CELF2: variants seen among roughly 807,000 people sequenced by gnomAD.
The protein encoded by CELF2 is CUG triplet repeat RNA-binding protein 2.
CELF2 carries 8 observed loss-of-function variants against 62.6 expected under a neutral mutation model. The ratio of observed to expected loss-of-function variants is 0.13; its 90% CI spans 0.07 to 0.23. CELF2 has a LOEUF of 0.23. Ranked by LOEUF, CELF2 falls within the 10% of genes least tolerant of loss-of-function variation. The probability of loss-of-function intolerance (pLI) is 1.00; values close to 1 mark genes in which losing one functional copy is unlikely to be tolerated. For synonymous variants in CELF2, 258 were observed against 250.0 expected, an observed-to-expected ratio of 1.03 and a Z score of -0.30; for missense variants, 333 against 671.0, an observed-to-expected ratio of 0.50 and a Z score of 5.56.
the CELF2 span, among the ~76,000 whole-genome samples, chr10:10,702,108 A>G: frequency 6.6e-6 from 1 of 152,174 alleles, no homozygotes; most frequent in Non-Finnish European, 1.5e-5. Flanking sequence ...AATTAGTTTT[A>G]GCTTAAGCTG....
chr10:10,840,029 C>G (rs1436532063), intron 1 of CELF2, among the ~76,000 whole-genome samples: 5 of 152,218 alleles, frequency 3.3e-5, no homozygotes, highest in African/African-American at 4.8e-5. Flanking sequence ...ATTTGCATGG[C>G]TTGATAGTTC....
the CELF2 span, among the ~76,000 whole-genome samples, chr10:10,491,445 G>C: frequency 6.6e-6 from 1 of 152,144 alleles, no homozygotes. Context: ...TCTTCAGGAA[G>C]ATAATCTTCA....
chr10:10,768,248 T>TA, the CELF2 span, among the ~76,000 whole-genome samples: 375 of 151,870 alleles, frequency 2.5e-3, 2 homozygotes, highest in African/African-American at 8.5e-3. Flanking sequence ...GTAACTCACC[T>TA]ACCTTTCTGA....
In CELF2 at chr10:11,206,144, G is replaced by C. The variant is rs148575383; in HGVS notation, c.272-11281G>C. Among the ~76,000 whole-genome samples, 462 of 152,328 alleles carry C rather than the reference G, an allele frequency of 3.0e-3. 3 individuals are homozygous for C. Among genetic ancestry groups the C allele is most frequent in the Middle Eastern group, 0.01 (3 of 294 alleles). On this transcript the variant is annotated intron_variant, in intron 2 of 12. Transcript: ENST00000633077. Reference sequence around the variant, plus strand: ...GATAGGTGCTCAGGAACAGAGCTGAGCTGTGTTTTATTCAGGCTAACAATA... The same window carrying C: ...GATAGGTGCTCAGGAACAGAGCTGACCTGTGTTTTATTCAGGCTAACAATA...
At chr10:11,059,588 A>G (rs1462717224) in intron 1 of CELF2, among the ~76,000 whole-genome samples, 1 of 152,224 alleles carries the variant, frequency 6.6e-6, no homozygotes, top group Non-Finnish European at 1.5e-5. Context: ...TCAAAGATAT[A>G]AACCTTGAAG....
At chr10:10,910,665 A>C (rs1018617964) in intron 1 of CELF2, among the ~76,000 whole-genome samples, 3 of 135,218 alleles carry the variant, frequency 2.2e-5, no homozygotes, top group Non-Finnish European at 4.5e-5. Context: ...GTGCCACTGC[A>C]CTCTAACCTG....
the CELF2 span, among the ~76,000 whole-genome samples, chr10:10,550,629 T>C: frequency 6.6e-6 from 1 of 152,240 alleles, no homozygotes; most frequent in Non-Finnish European, 1.5e-5. Context: ...GGAATCATGA[T>C]CTGACTGGAT....
chr10:10,541,630 G>T, the CELF2 span, among the ~76,000 whole-genome samples: 2 of 152,238 alleles, frequency 1.3e-5, no homozygotes, highest in Non-Finnish European at 1.5e-5. Flanking sequence ...CATGGTGTCT[G>T]TAAACTGTCA....
At chr10:10,858,213 C>T (rs1434863019) in intron 1 of CELF2, among the ~76,000 whole-genome samples, 1 of 152,072 alleles carries the variant, frequency 6.6e-6, no homozygotes, top group Non-Finnish European at 1.5e-5. Flanking sequence ...CCAAGAATTT[C>T]ACAAACACCA....
the CELF2 span, among the ~76,000 whole-genome samples, chr10:10,664,211 G>T: frequency 1.3e-5 from 2 of 152,104 alleles, no homozygotes; most frequent in South Asian, 2.1e-4. Flanking sequence ...TATAATAATG[G>T]TTATAACAAT....
chr10:10,503,284 A>C, the CELF2 span, among the ~76,000 whole-genome samples: 1 of 151,818 alleles, frequency 6.6e-6, no homozygotes, highest in Non-Finnish European at 1.5e-5. Flanking sequence ...ATCCTTGCTA[A>C]TTTTCTATCT....
chr10:11,206,599 G>T (rs1358834053), intron 2 of CELF2, among the ~76,000 whole-genome samples: 1 of 152,204 alleles, frequency 6.6e-6, no homozygotes, highest in African/African-American at 2.4e-5. Flanking sequence ...CTCACCATGA[G>T]ACCCCAGGGA....
intron 1 of CELF2, among the ~76,000 whole-genome samples, chr10:10,848,898 C>CT (rs2059190686): frequency 6.6e-6 from 1 of 152,092 alleles, no homozygotes; most frequent in African/African-American, 2.4e-5. Context: ...CACCTCCCTT[C>CT]TAAAGCCCGT....
At chr10:10,516,734 T>TAAA in the CELF2 span, among the ~76,000 whole-genome samples, 4 of 141,300 alleles carry the variant, frequency 2.8e-5, no homozygotes, top group Non-Finnish European at 6.1e-5. Flanking sequence ...TCAGCATCAT[T>TAAA]AAAAAAAAAA....
intron 1 of CELF2, among the ~76,000 whole-genome samples, chr10:11,048,911 T>C (rs1329666318): frequency 1.3e-5 from 2 of 152,222 alleles, no homozygotes. Flanking sequence ...CACAACATCA[T>C]TGGAATTGTC....
chr10:10,838,478 C>T (rs1418485589), intron 1 of CELF2, among the ~76,000 whole-genome samples: 2 of 152,198 alleles, frequency 1.3e-5, no homozygotes, highest in Admixed American at 6.5e-5. Context: ...TACTTCAGGG[C>T]AGGATATCTA....
intron 1 of CELF2, among the ~76,000 whole-genome samples, chr10:11,125,617 C>T (rs2058552537): frequency 6.6e-6 from 1 of 152,048 alleles, no homozygotes; most frequent in South Asian, 2.1e-4. Flanking sequence ...CATTTTAATT[C>T]ACTCCAAAAT....
intron 1 of CELF2, among the ~76,000 whole-genome samples, chr10:10,903,633 C>A (rs1221386708): frequency 6.6e-6 from 1 of 152,164 alleles, no homozygotes; most frequent in Non-Finnish European, 1.5e-5. Context: ...ATTAGGCCAA[C>A]CTGACCAAGT....
rs1433549056 is a variant in CELF2, at chr10:11,247,789, A to G, written c.355-1364A>G. On this transcript the variant is annotated intron_variant, in intron 3 of 12. Transcript: ENST00000633077. The surrounding 1 kb of genome is among the most constrained non-coding windows in gnomAD (Gnocchi z 5.4). The stretch of plus-strand genomic sequence containing the variant: ...AAGACTCTGCCCATCTCCCCCAGGC[A>G]TGTTGCTGGTCCTTCTCTCCATTTC... 1.3e-5 allele frequency among the ~76,000 whole-genome samples: 2 copies of G among 152,166 alleles called. No individual in the cohort carries two copies. The highest frequency in any genetic ancestry group is 2.9e-5 in the Non-Finnish European group (2 of 68,022).
Sources: gnomAD v4.1 joint callset for allele counts (sites outside exome capture counted in the v4.1 genomes callset) on GRCh38, gnomAD v4.1.1 for gene constraint, Gnocchi (gnomAD v3.1) non-coding constraint, MANE v1.5 for transcripts, NCBI Gene and HGNC (gene_info 2026-07-23, HGNC 2026-07-21) for gene names.